The following NFIB variants were observed in gnomAD, a reference collection of about 807,000 sequenced individuals.
NFIB encodes the protein nuclear factor 1 B-type.
NFIB carries 11 observed loss-of-function variants against 61.5 expected under a neutral mutation model. The ratio of observed to expected loss-of-function variants is 0.18; its 90% CI spans 0.11 to 0.30. The LOEUF (loss-of-function observed/expected upper bound fraction) is 0.30. NFIB is among the 10% of genes least tolerant of loss of function. The pLI is 1.00. For synonymous variants in NFIB, 260 were observed against 216.5 expected, an observed-to-expected ratio of 1.20 and a Z score of -1.76; for missense variants, 471 against 608.9, an observed-to-expected ratio of 0.77 and a Z score of 2.38.
At chr9:14,165,854 G>C (rs947314147) in intron 3 of NFIB, among the ~76,000 whole-genome samples, 2 of 152,184 alleles carry the variant, frequency 1.3e-5, no homozygotes, top group African/African-American at 4.8e-5. Context: ...GCTGGGGAGA[G>C]TAGGGAATGG....
At chr9:14,461,782 T>C in the NFIB span, among the ~76,000 whole-genome samples, 1 of 152,212 alleles carries the variant, frequency 6.6e-6, no homozygotes, top group Non-Finnish European at 1.5e-5. Context: ...TTGTGGAAAC[T>C]TTGCCTGGGG....
At chr9:14,115,102 A>C (rs1027684002) in intron 9 of NFIB, among the ~76,000 whole-genome samples, 3 of 152,170 alleles carry the variant, frequency 2.0e-5, no homozygotes, top group African/African-American at 7.2e-5. Flanking sequence ...ATTTTGAGAA[A>C]GAAATGCTGA....
chr9:14,504,146 G>A, the NFIB span, among the ~76,000 whole-genome samples: 1 of 152,106 alleles, frequency 6.6e-6, no homozygotes, highest in Non-Finnish European at 1.5e-5. Flanking sequence ...GAAGTACTTG[G>A]CTTTATTTCT....
At chr9:14,214,045 T>C (rs1356947456) in intron 2 of NFIB, among the ~76,000 whole-genome samples, 3 of 152,182 alleles carry the variant, frequency 2.0e-5, no homozygotes, top group Non-Finnish European at 4.4e-5. Context: ...CCAATATTTC[T>C]AGCAGAGCCC....
chr9:14,221,803 T>G (rs1466756332), intron 2 of NFIB, among the ~76,000 whole-genome samples: 1 of 152,242 alleles, frequency 6.6e-6, no homozygotes, highest in Non-Finnish European at 1.5e-5. Context: ...AGCTAATCAT[T>G]CTTTACCAGT....
At position 14,314,084 on chromosome 9, in the gene NFIB, G is replaced by A. The variant is rs1481758458; in HGVS notation, c.-573C>T. On this transcript the variant is annotated 5_prime_UTR_variant, in exon 1 of 11. Coordinates refer to ENST00000380953, the MANE Select transcript of NFIB (RefSeq NM_001190737.2). ...CAGGATCCCGGAGTGGTGATCGCAG[G>A]CGAAACTTTGCCGCGAGCCGACCAT... is the stretch of plus-strand genomic sequence containing the variant. The A allele has an allele frequency of 2.8e-6, 3 of 1,052,978 alleles. No individual in the cohort carries two copies. In the African/African-American group the frequency reaches 5.0e-5, roughly 18 times the overall value. 65.2% of individuals were successfully genotyped at this position (1,052,978 alleles called of 1,614,324 possible). A position where few individuals can be genotyped will look rare whatever the true frequency, so the allele number is the denominator to read the frequency against.
chr9:14,442,418 C>T, the NFIB span, among the ~76,000 whole-genome samples: 6 of 152,260 alleles, frequency 3.9e-5, no homozygotes, highest in South Asian at 1.2e-3. Flanking sequence ...GACAAAATGT[C>T]CAGTAAAACA....
At chr9:14,280,642 C>CCA (rs2058309816) in intron 2 of NFIB, among the ~76,000 whole-genome samples, 2 of 152,146 alleles carry the variant, frequency 1.3e-5, no homozygotes, top group South Asian at 4.1e-4. Context: ...CCAGGGAATT[C>CCA]CACTTCCACA....
intron 1 of NFIB, among the ~76,000 whole-genome samples, chr9:14,345,736 C>A (rs1427399977): frequency 2.0e-5 from 3 of 152,182 alleles, no homozygotes; most frequent in African/African-American, 7.2e-5. Flanking sequence ...ACCGCTCAGA[C>A]TTGAAGGTGG....
intron 2 of NFIB, among the ~76,000 whole-genome samples, chr9:14,189,675 G>A (rs1402554425): frequency 6.6e-6 from 1 of 150,828 alleles, no homozygotes; most frequent in East Asian, 1.9e-4. Context: ...TTGAAGGGCT[G>A]GGTTAGAGTG....
the NFIB span, among the ~76,000 whole-genome samples, chr9:14,429,311 C>T: frequency 6.6e-6 from 1 of 152,164 alleles, no homozygotes; most frequent in Admixed American, 6.5e-5. Flanking sequence ...ATAATCTCTC[C>T]GGTTTGCTAA....
chr9:14,344,611 G>GT (rs1024215107), intron 1 of NFIB, among the ~76,000 whole-genome samples: 4 of 151,984 alleles, frequency 2.6e-5, no homozygotes, highest in African/African-American at 7.3e-5. Flanking sequence ...AAATGACTGG[G>GT]TTTTTTTAAT....
intron 1 of NFIB, among the ~76,000 whole-genome samples, chr9:14,309,433 A>C (rs910183915): frequency 7.2e-5 from 11 of 152,244 alleles, no homozygotes; most frequent in African/African-American, 2.7e-4. Flanking sequence ...TCAAAATTTT[A>C]TAACAATACA....
At chr9:14,171,867 G>C (rs953159698) in intron 3 of NFIB, among the ~76,000 whole-genome samples, 1 of 152,108 alleles carries the variant, frequency 6.6e-6, no homozygotes, top group Non-Finnish European at 1.5e-5. Flanking sequence ...AAACATCTAG[G>C]AGAAAAGGTT....
intron 10 of NFIB, among the ~76,000 whole-genome samples, chr9:14,091,100 G>C (rs898426571): frequency 6.6e-6 from 1 of 151,860 alleles, no homozygotes; most frequent in Non-Finnish European, 1.5e-5. Flanking sequence ...CAATATATTT[G>C]TCAATACTGT....
chr9:14,476,369 A>G, the NFIB span, among the ~76,000 whole-genome samples: 3 of 152,206 alleles, frequency 2.0e-5, no homozygotes, highest in African/African-American at 4.8e-5. Flanking sequence ...TGGGGAGTAC[A>G]GATGATGCCC....
intron 2 of NFIB, among the ~76,000 whole-genome samples, chr9:14,221,325 T>C (rs1262526362): frequency 6.6e-6 from 1 of 152,210 alleles, no homozygotes; most frequent in Non-Finnish European, 1.5e-5. Context: ...TAGACATGCA[T>C]TATCTGACAC....
At chr9:14,466,151 G>A in the NFIB span, among the ~76,000 whole-genome samples, 3 of 152,156 alleles carry the variant, frequency 2.0e-5, no homozygotes, top group Non-Finnish European at 4.4e-5. Context: ...ATCTCAGCCA[G>A]CCTTTATGAA....
the NFIB span, among the ~76,000 whole-genome samples, chr9:14,503,937 G>A: frequency 6.6e-6 from 1 of 152,258 alleles, no homozygotes; most frequent in Admixed American, 6.5e-5. Context: ...TTCTCTTCTA[G>A]AATTTTTATG....
Sources: gnomAD v4.1 joint callset for allele counts (sites outside exome capture counted in the v4.1 genomes callset) on GRCh38, gnomAD v4.1.1 for gene constraint, MANE v1.5 for transcripts, NCBI Gene and HGNC (gene_info 2026-07-23, HGNC 2026-07-21) for gene names.